The following ARHGAP24 variants were observed in gnomAD, a reference collection of about 807,000 sequenced individuals.
ARHGAP24 encodes Rho GTPase activating protein 24.
ARHGAP24 carries 50 observed loss-of-function variants against 76.4 expected under a neutral mutation model. That is an observed-to-expected ratio of 0.65 (90% CI 0.52 to 0.83). The LOEUF is 0.83. Among genes scored for constraint, ARHGAP24 ranks in the 40% least tolerant of loss-of-function variants. The probability of loss-of-function intolerance (pLI) is 0.00; values close to 1 mark genes in which losing one functional copy is unlikely to be tolerated. For synonymous variants in ARHGAP24, 345 were observed against 323.3 expected, an observed-to-expected ratio of 1.07 and a Z score of -0.72; for missense variants, 930 against 914.2, an observed-to-expected ratio of 1.02 and a Z score of -0.22.
chr4:85,712,667 T>C (rs1251761407), intron 2 of ARHGAP24, among the ~76,000 whole-genome samples: 3 of 152,148 alleles, frequency 2.0e-5, no homozygotes, highest in Non-Finnish European at 4.4e-5. Context: ...CACGTTCATG[T>C]AGCCTCTCCT....
At chr4:85,884,175 C>A (rs75791587) in intron 3 of ARHGAP24, among the ~76,000 whole-genome samples, 9,252 of 152,172 alleles carry the variant, frequency 0.061, 400 homozygotes, top group African/African-American at 0.11. Flanking sequence ...AGTGAATTGG[C>A]AATTCCAGTT....
intron 2 of ARHGAP24, among the ~76,000 whole-genome samples, chr4:85,711,180 C>T (rs1724513381): frequency 6.6e-6 from 1 of 151,892 alleles, no homozygotes; most frequent in Non-Finnish European, 1.5e-5. Flanking sequence ...CTCTCGTCAG[C>T]ACCAGCTAAA....
intron 2 of ARHGAP24, among the ~76,000 whole-genome samples, chr4:85,572,933 G>C (rs1727198197): frequency 6.8e-6 from 1 of 147,346 alleles, no homozygotes; most frequent in Non-Finnish European, 1.5e-5. Flanking sequence ...CTGGAGTGCG[G>C]TGGTGCGATC....
chr4:85,676,879 A>G (rs984839778), intron 2 of ARHGAP24, among the ~76,000 whole-genome samples: 4 of 152,180 alleles, frequency 2.6e-5, no homozygotes, highest in African/African-American at 9.7e-5. Context: ...GGATTCCCAT[A>G]TTTCCTATTC....
intron 2 of ARHGAP24, among the ~76,000 whole-genome samples, chr4:85,572,486 G>C (rs1352088332): frequency 6.6e-6 from 1 of 152,046 alleles, no homozygotes; most frequent in Non-Finnish European, 1.5e-5. Flanking sequence ...TGGATCCACT[G>C]TATCTTCATG....
intron 1 of ARHGAP24, among the ~76,000 whole-genome samples, chr4:85,552,567 A>G (rs1726181492): frequency 6.6e-6 from 1 of 152,066 alleles, no homozygotes; most frequent in African/African-American, 2.4e-5. Flanking sequence ...AGTCCTGAAT[A>G]TTTTTGTTAA....
intron 4 of ARHGAP24, among the ~76,000 whole-genome samples, chr4:85,924,234 G>A (rs755773026): frequency 6.6e-6 from 1 of 152,124 alleles, no homozygotes; most frequent in African/African-American, 2.4e-5. Context: ...ACATCCTTCA[G>A]ATCAGTTAAG....
intron 3 of ARHGAP24, among the ~76,000 whole-genome samples, chr4:85,849,174 G>A (rs1291810704): frequency 6.8e-6 from 1 of 146,690 alleles, no homozygotes; most frequent in African/African-American, 2.5e-5. Flanking sequence ...TCCCTTGTAA[G>A]TTGGATTCCT....
In ARHGAP24 at chr4:85,839,843, C is replaced by CTTTTTTT. The variant is rs33974767; in HGVS notation, c.269-83787_269-83781dup. 1.9e-3 allele frequency among the ~76,000 whole-genome samples: 204 copies of CTTTTTTT among 105,612 alleles called. 1 individual carries two copies. Among genetic ancestry groups the CTTTTTTT allele is most frequent in the African/African-American group, 3.5e-3 (92 of 26,042 alleles). The allele number at this position is 105,612 out of a possible 152,430, so 69.3% of individuals were successfully genotyped here. On this transcript the variant is annotated intron_variant, in intron 3 of 9. Coordinates refer to ENST00000395184, the MANE Select transcript of ARHGAP24 (RefSeq NM_001025616.3). ...CTACCAAGTGTCTTTTTTCTGTTTT[C>CTTTTTTT]TTTTTTTTTTTTTTTTTTTTTTTTG...
rs1310526103 is a variant in ARHGAP24, at chr4:86,002,187, G to A, written c.*1465G>A. 4.6e-5 allele frequency: 7 copies of A among 152,216 alleles called. No homozygotes were observed. The highest frequency in any genetic ancestry group is 2.9e-5 in the Non-Finnish European group (2 of 68,040). The allele number at this position is 152,216 out of a possible 1,614,324, so 9.4% of individuals were successfully genotyped here. A position where few individuals can be genotyped will look rare whatever the true frequency, so the allele number is the denominator to read the frequency against. On this transcript the variant is annotated 3_prime_UTR_variant, in exon 10 of 10. Coordinates refer to ENST00000395184, the MANE Select transcript of ARHGAP24 (RefSeq NM_001025616.3). ...TGAGTTTATGGGGTTTGTGTTGTTTGAAGGTTCAATGCTTGCATGTGTTTA... is the reference window on the plus strand; with the variant it reads ...TGAGTTTATGGGGTTTGTGTTGTTTAAAGGTTCAATGCTTGCATGTGTTTA...
At chr4:85,645,222 T>G (rs1385042724) in intron 2 of ARHGAP24, among the ~76,000 whole-genome samples, 1 of 152,124 alleles carries the variant, frequency 6.6e-6, no homozygotes, top group East Asian at 1.9e-4. Flanking sequence ...TAATCAAAAT[T>G]TCCATATAAC....
chr4:85,846,388 G>GT (rs113963846), intron 3 of ARHGAP24, among the ~76,000 whole-genome samples: 16 of 151,948 alleles, frequency 1.1e-4, no homozygotes, highest in Middle Eastern at 3.4e-3. Flanking sequence ...ATAATTCAGG[G>GT]TTTTTTTTAT....
intron 2 of ARHGAP24, among the ~76,000 whole-genome samples, chr4:85,634,183 A>G (rs1721242596): frequency 6.6e-6 from 1 of 151,914 alleles, no homozygotes; most frequent in Non-Finnish European, 1.5e-5. Context: ...ATAGGGAAAT[A>G]AAAAGATAAC....
At chr4:85,576,990 T>C (rs1167464180) in intron 2 of ARHGAP24, among the ~76,000 whole-genome samples, 1 of 151,888 alleles carries the variant, frequency 6.6e-6, no homozygotes, top group African/African-American at 2.4e-5. Flanking sequence ...TTTTGGGTAT[T>C]AAATGAGATA....
intron 7 of ARHGAP24, among the ~76,000 whole-genome samples, chr4:85,976,581 C>T (rs1001614228): frequency 6.6e-6 from 1 of 152,046 alleles, no homozygotes; most frequent in East Asian, 1.9e-4. Context: ...GTACAATTAG[C>T]AAGCCATGAA....
At chr4:85,988,926 G>GA in intron 8 of ARHGAP24, among the ~76,000 whole-genome samples, 1 of 151,508 alleles carries the variant, frequency 6.6e-6, no homozygotes, top group Non-Finnish European at 1.5e-5. Context: ...TATAATTATG[G>GA]ACTTATATCA....
intron 1 of ARHGAP24, among the ~76,000 whole-genome samples, chr4:85,499,354 A>T (rs1723707787): frequency 6.6e-6 from 1 of 152,160 alleles, no homozygotes; most frequent in South Asian, 2.1e-4. Flanking sequence ...TTAATGAAAT[A>T]CTCTGCTTTA....
chr4:85,510,484 C>T (rs1032863268), intron 1 of ARHGAP24, among the ~76,000 whole-genome samples: 1 of 151,274 alleles, frequency 6.6e-6, no homozygotes, highest in Non-Finnish European at 1.5e-5. Context: ...TGCCTTCTTC[C>T]CTTCTTTTTC....
At chr4:85,835,708 T>C (rs190605467) in intron 3 of ARHGAP24, among the ~76,000 whole-genome samples, 17 of 152,164 alleles carry the variant, frequency 1.1e-4, no homozygotes, top group African/African-American at 4.1e-4. Flanking sequence ...TTTTTTGAGA[T>C]GGAGTCTTGC....
Sources: gnomAD v4.1 joint callset for allele counts (sites outside exome capture counted in the v4.1 genomes callset) on GRCh38, gnomAD v4.1.1 for gene constraint, MANE v1.5 for transcripts, NCBI Gene and HGNC (gene_info 2026-07-23, HGNC 2026-07-21) for gene names.